The following TSPAN18 variants were observed in gnomAD, a reference collection of about 807,000 sequenced individuals.
TSPAN18 encodes the protein tetraspanin-18.
Under a neutral mutation model 27.3 loss-of-function variants are expected in TSPAN18, and 14 were observed. The ratio of observed to expected loss-of-function variants is 0.51; its 90% CI spans 0.34 to 0.80. The LOEUF is 0.80. Among genes scored for constraint, TSPAN18 ranks in the 30% least tolerant of loss-of-function variants. The pLI is 0.01. For missense variants in TSPAN18, 268 were observed against 323.9 expected, an observed-to-expected ratio of 0.83 and a Z score of 1.32; for synonymous variants, 143 against 136.5, an observed-to-expected ratio of 1.05 and a Z score of -0.33.
intron 2 of TSPAN18, among the ~76,000 whole-genome samples, chr11:44,798,982 C>A (rs1229503034): frequency 6.6e-6 from 1 of 151,202 alleles, no homozygotes; most frequent in Non-Finnish European, 1.5e-5. Context: ...TATCCCCACC[C>A]CCACCCCGCC....
chr11:44,841,409 G>A (rs184963782), intron 2 of TSPAN18, among the ~76,000 whole-genome samples: 21 of 151,964 alleles, frequency 1.4e-4, no homozygotes, highest in African/African-American at 4.6e-4. Context: ...CCAAGCTATC[G>A]GGAGGCTGAG....
chr11:44,851,610 T>TCG (rs1302192540), intron 2 of TSPAN18, among the ~76,000 whole-genome samples: 1 of 111,474 alleles, frequency 9.0e-6, no homozygotes, highest in African/African-American at 3.4e-5. Context: ...GGTACTCTTG[T>TCG]CACCTCCCCC....
At chr11:44,920,084 AGG>A in intron 8 of TSPAN18, 85 bp downstream of exon 8, 1 of 1,354,062 alleles carries the variant, frequency 7.4e-7, no homozygotes, top group East Asian at 2.4e-5. Context: ...ATCACCCCAG[AGG>A]GTCTGAAGCT....
At chr11:44,760,217 T>G (rs1428697998) in intron 1 of TSPAN18, among the ~76,000 whole-genome samples, 6 of 152,144 alleles carry the variant, frequency 3.9e-5, no homozygotes, top group Non-Finnish European at 2.9e-5. Flanking sequence ...ACAGACACAG[T>G]GCTCTCCATT....
intron 5 of TSPAN18, among the ~76,000 whole-genome samples, chr11:44,916,220 C>A (rs1219761138): frequency 6.6e-6 from 1 of 152,214 alleles, no homozygotes; most frequent in Admixed American, 6.5e-5. Context: ...TTTGGAGAGG[C>A]CTCGGGACCT....
At chr11:44,789,206 G>A (rs765593082) in intron 2 of TSPAN18, among the ~76,000 whole-genome samples, 28 of 152,262 alleles carry the variant, frequency 1.8e-4, no homozygotes, top group Non-Finnish European at 2.9e-4. Context: ...ACGCAGAGCC[G>A]TGATCATCAG....
chr11:44,836,102 A>C (rs1336451093), intron 2 of TSPAN18, among the ~76,000 whole-genome samples: 1 of 152,238 alleles, frequency 6.6e-6, no homozygotes, highest in Non-Finnish European at 1.5e-5. Context: ...TGAAAGGAGG[A>C]GTCGCATATC....
At chr11:44,738,343 G>A (rs888962102) in intron 1 of TSPAN18, among the ~76,000 whole-genome samples, 2 of 152,178 alleles carry the variant, frequency 1.3e-5, no homozygotes, top group African/African-American at 2.4e-5. Context: ...CAGTGGGAAC[G>A]CTGGAGCCCA....
intron 1 of TSPAN18, among the ~76,000 whole-genome samples, chr11:44,757,218 G>A (rs1305676710): frequency 6.6e-6 from 1 of 152,092 alleles, no homozygotes; most frequent in East Asian, 1.9e-4. Flanking sequence ...CCAACAGTGG[G>A]AACAGGGTTC....
intron 1 of TSPAN18, among the ~76,000 whole-genome samples, chr11:44,753,980 TC>T (rs1393407226): frequency 1.3e-5 from 2 of 152,204 alleles, no homozygotes; most frequent in African/African-American, 4.8e-5. Context: ...TTTCTAACTT[TC>T]TTTGCTAATC....
intron 2 of TSPAN18, among the ~76,000 whole-genome samples, chr11:44,841,747 G>A (rs910677677): frequency 3.8e-4 from 58 of 152,318 alleles, no homozygotes; most frequent in African/African-American, 1.3e-3. Flanking sequence ...GATTTGGGTT[G>A]TTCATGGGTA....
intron 2 of TSPAN18, among the ~76,000 whole-genome samples, chr11:44,820,789 G>A (rs1022199474): frequency 6.6e-6 from 1 of 151,900 alleles, no homozygotes; most frequent in Non-Finnish European, 1.5e-5. Flanking sequence ...CTGCAATAAT[G>A]AGTAAATTAT....
chr11:44,922,879 C>T (rs1404310758), intron 8 of TSPAN18, among the ~76,000 whole-genome samples: 5 of 152,138 alleles, frequency 3.3e-5, no homozygotes, highest in Non-Finnish European at 7.4e-5. Flanking sequence ...GAGGCCGAGG[C>T]GGGCGGATCA....
At chr11:44,779,254 G>A (rs1855883740) in intron 2 of TSPAN18, among the ~76,000 whole-genome samples, 1 of 152,172 alleles carries the variant, frequency 6.6e-6, no homozygotes, top group East Asian at 1.9e-4. Flanking sequence ...GTCATGTCAA[G>A]TGAGATCAGC....
At chr11:44,741,443 A>ATGTG (rs1173836174) in intron 1 of TSPAN18, among the ~76,000 whole-genome samples, 1 of 123,140 alleles carries the variant, frequency 8.1e-6, no homozygotes, top group African/African-American at 3.3e-5. Context: ...TGTCTCAGAC[A>ATGTG]TGTATGTGTG....
chr11:44,785,443 C>T (rs1207447222), intron 2 of TSPAN18, among the ~76,000 whole-genome samples: 2 of 152,094 alleles, frequency 1.3e-5, no homozygotes, highest in African/African-American at 2.4e-5. Context: ...TGTAGCTGTG[C>T]AGTTGTTGAA....
At chr11:44,800,657 C>T (rs778958162) in intron 2 of TSPAN18, among the ~76,000 whole-genome samples, 1 of 152,194 alleles carries the variant, frequency 6.6e-6, no homozygotes, top group Non-Finnish European at 1.5e-5. Context: ...GCAGGATGCC[C>T]GGTGACACCT....
At chr11:44,902,833 A>T (rs781373071) in intron 3 of TSPAN18, among the ~76,000 whole-genome samples, 4 of 152,190 alleles carry the variant, frequency 2.6e-5, no homozygotes, top group Non-Finnish European at 5.9e-5. Flanking sequence ...GAGAGGGTAC[A>T]ACAGAGAGAG....
intron 2 of TSPAN18, among the ~76,000 whole-genome samples, chr11:44,780,116 C>T (rs528720937): frequency 6.6e-6 from 1 of 152,222 alleles, no homozygotes; most frequent in African/African-American, 2.4e-5. Context: ...CTCCTACGCA[C>T]CCACCCACAC....
Sources: gnomAD v4.1 joint callset for allele counts (sites outside exome capture counted in the v4.1 genomes callset) on GRCh38, gnomAD v4.1.1 for gene constraint, MANE v1.5 for transcripts, NCBI Gene and HGNC (gene_info 2026-07-23, HGNC 2026-07-21) for gene names.